VPS8: variants seen among roughly 807,000 people sequenced by gnomAD.
VPS8 encodes vacuolar protein sorting-associated protein 8 homolog.
A neutral mutation model predicts 216.4 loss-of-function variants in VPS8; 129 were observed. The observed-to-expected ratio is 0.60, with a 90% CI of 0.52 to 0.69. The LOEUF (loss-of-function observed/expected upper bound fraction) is 0.69. VPS8 is among the 30% of genes least tolerant of loss of function. VPS8 has a pLI of 0.00. For synonymous variants in VPS8, 571 were observed against 565.4 expected (o/e 1.01, Z -0.14); for missense variants, 1,531 against 1,683.5 (o/e 0.91, Z 1.59).
chr3:185,004,081 G>A (rs1186822196), intron 45 of VPS8, among the ~76,000 whole-genome samples: 5 of 152,190 alleles, frequency 3.3e-5, no homozygotes, highest in Admixed American at 6.5e-5. Flanking sequence ...ATGGGGTGGC[G>A]GCCAGGCAGA....
intron 34 of VPS8, among the ~76,000 whole-genome samples, chr3:184,935,055 C>T (rs1054965102): frequency 1.3e-5 from 2 of 151,970 alleles, no homozygotes; most frequent in African/African-American, 2.4e-5. Flanking sequence ...GGGTCAGACA[C>T]GGTGGCTCAT....
intron 5 of VPS8, chr3:184,836,424 A>C: frequency 2.5e-6 from 1 of 406,530 alleles, no homozygotes; most frequent in Admixed American, 3.0e-5. Flanking sequence ...TGAGTAATGG[A>C]GACTGAGCTA....
chr3:184,883,828 A>G lies in VPS8; in HGVS notation c.1735-2282A>G, dbSNP rs546032730. On this transcript the variant is annotated intron_variant, in intron 21 of 47. Coordinates refer to ENST00000625842, the MANE Select transcript of VPS8 (RefSeq NM_001009921.3). The stretch of plus-strand genomic sequence containing the variant: ...TTTTATGCCCTTAATTATTTTAAAT[A>G]TACTTTAAAATATAGTTTCTACCTG... 3.3e-5 allele frequency among the ~76,000 whole-genome samples: 5 copies of G among 152,340 alleles called. No individual in the cohort carries two copies. In the East Asian group the frequency reaches 9.6e-4, roughly 29 times the overall value.
chr3:184,912,400 C>A (rs1736724038), intron 25 of VPS8, among the ~76,000 whole-genome samples: 1 of 152,120 alleles, frequency 6.6e-6, no homozygotes, highest in Non-Finnish European at 1.5e-5. Flanking sequence ...GTGAGGGAGG[C>A]CAGCTGGGGA....
intron 36 of VPS8, among the ~76,000 whole-genome samples, chr3:184,956,753 G>A (rs146276100): frequency 6.6e-6 from 1 of 152,286 alleles, no homozygotes; most frequent in East Asian, 1.9e-4. Context: ...TATGTGAGTA[G>A]CTGGTGTACT....
intron 46 of VPS8, among the ~76,000 whole-genome samples, chr3:185,041,960 GA>G (rs536964334): frequency 7.0e-4 from 107 of 152,276 alleles, no homozygotes; most frequent in Non-Finnish European, 1.3e-3. Flanking sequence ...AGGAGGAGGA[GA>G]TGAATGTGAA....
intron 10 of VPS8, among the ~76,000 whole-genome samples, chr3:184,851,110 A>G (rs894485724): frequency 1.7e-4 from 26 of 152,230 alleles, no homozygotes; most frequent in Non-Finnish European, 4.4e-5. Flanking sequence ...CTGCTCAATA[A>G]ATATTTGATT....
rs763599769 is a variant in VPS8 at position 185,052,022 on chromosome 3, T to C, written c.4284T>C (p.Asp1428=). ...LQLIPPPVTE[D] is the part of the protein sequence containing the mutation. Reference sequence around the variant, plus strand: ...TCATTCCTCCACCTGTGACTGAGGATTGATGACTCCATGGAGCCTGGCCCA... The same window carrying C: ...TCATTCCTCCACCTGTGACTGAGGACTGATGACTCCATGGAGCCTGGCCCA... Residue 1428 remains aspartate (D), a synonymous_variant, in exon 48 of 48, where the codon GAT becomes GAC. Transcript: ENST00000625842. 1.2e-6 allele frequency: 2 copies of C among 1,609,316 alleles called. No individual in the cohort carries two copies. Among genetic ancestry groups the C allele is most frequent in the Non-Finnish European group, 1.7e-6 (2 of 1,177,040 alleles).
chr3:184,819,939 A>G (rs972959254), intron 1 of VPS8, among the ~76,000 whole-genome samples: 2 of 152,220 alleles, frequency 1.3e-5, no homozygotes, highest in African/African-American at 4.8e-5. Context: ...CTTGCTTTTC[A>G]TTACGTGTAA....
intron 16 of VPS8, among the ~76,000 whole-genome samples, chr3:184,866,387 G>A (rs1233125375): frequency 2.6e-5 from 4 of 152,238 alleles, no homozygotes; most frequent in East Asian, 1.9e-4. Context: ...GGTTACCTGG[G>A]TTTGGAGGTG....
chr3:184,853,311 G>A (rs1724662810), intron 11 of VPS8, among the ~76,000 whole-genome samples: 1 of 152,174 alleles, frequency 6.6e-6, no homozygotes, highest in Non-Finnish European at 1.5e-5. Flanking sequence ...TCAGATGGAT[G>A]TAAGTGCTGT....
chr3:185,041,561 TG>T (rs1711629408), intron 46 of VPS8, among the ~76,000 whole-genome samples: 3 of 152,200 alleles, frequency 2.0e-5, no homozygotes, highest in African/African-American at 7.2e-5. Context: ...CCCTCCAACA[TG>T]TTTCCTGATG....
intron 45 of VPS8, among the ~76,000 whole-genome samples, chr3:185,012,954 GCTAAAAGCATTTCCTACGGGAAATAA>G (rs1216657900): frequency 4.0e-5 from 6 of 149,198 alleles, no homozygotes; most frequent in African/African-American, 7.8e-5. Context: ...TTATAGATTA[GCTAAAAGCATTTCCTACGGGAAATAA>G]CTAAAAGCAT....
chr3:184,956,402 A>G (rs1454477569), intron 36 of VPS8, among the ~76,000 whole-genome samples: 2 of 152,216 alleles, frequency 1.3e-5, no homozygotes, highest in Admixed American at 6.5e-5. Flanking sequence ...GTGCCACAAT[A>G]TGAGAAAACC....
At chr3:184,948,329 T>G (rs544310656) in intron 36 of VPS8, among the ~76,000 whole-genome samples, 1 of 151,648 alleles carries the variant, frequency 6.6e-6, no homozygotes, top group Non-Finnish European at 1.5e-5. Context: ...CTGGGCAACA[T>G]AGTAAGACCC....
chr3:185,017,827 G>A (rs937913641), intron 45 of VPS8, among the ~76,000 whole-genome samples: 1 of 151,964 alleles, frequency 6.6e-6, no homozygotes, highest in Non-Finnish European at 1.5e-5. Flanking sequence ...TTGGAATGGG[G>A]CCCAGGACGG....
At chr3:184,816,502 A>G (rs974975686) in intron 1 of VPS8, among the ~76,000 whole-genome samples, 1 of 152,230 alleles carries the variant, frequency 6.6e-6, no homozygotes, top group African/African-American at 2.4e-5. Flanking sequence ...TCGTCGTGGC[A>G]GTTCTGGCAC....
intron 14 of VPS8, 142 bp from the exon 15 acceptor site, chr3:184,859,843 G>C (rs1408612433): frequency 7.0e-6 from 4 of 569,586 alleles, no homozygotes; most frequent in Non-Finnish European, 1.3e-5. Context: ...ATAATCATTT[G>C]TGTAATTATC....
chr3:184,978,341 G>A (rs973424645), intron 40 of VPS8, among the ~76,000 whole-genome samples: 8 of 151,502 alleles, frequency 5.3e-5, no homozygotes, highest in Non-Finnish European at 7.4e-5. Context: ...CCCTCCTTCC[G>A]TCATTCCTTC....
Sources: allele counts gnomAD v4.1 joint callset (sites outside exome capture counted in the v4.1 genomes callset), GRCh38; gene constraint gnomAD v4.1.1; transcripts MANE v1.5; gene names NCBI Gene and HGNC (gene_info 2026-07-23, HGNC 2026-07-21).